The following PDE1C variants were observed in gnomAD, a reference collection of about 807,000 sequenced individuals.
The protein encoded by PDE1C is phosphodiesterase 1C, also known as dual specificity calcium/calmodulin-dependent 3',5'-cyclic nucleotide phosphodiesterase 1C.
In PDE1C, 62 loss-of-function variants were observed where a neutral mutation model predicts 93.1. The observed-to-expected ratio is 0.67, with a 90% CI of 0.54 to 0.82. The LOEUF is 0.82. PDE1C is among the 40% of genes least tolerant of loss of function. The pLI is 0.00. For missense variants in PDE1C, 742 were observed against 884.6 expected (o/e 0.84, Z 2.04); for synonymous variants, 325 against 310.1 (o/e 1.05, Z -0.50).
chr7:31,781,417 T>C (rs1265392933), intron 16 of PDE1C, among the ~76,000 whole-genome samples: 5 of 63,896 alleles, frequency 7.8e-5, no homozygotes, highest in Non-Finnish European at 1.5e-4. Context: ...TGTCAACTTA[T>C]TGGCCATTTT....
intron 5 of PDE1C, among the ~76,000 whole-genome samples, chr7:31,873,678 T>C (rs929232592): frequency 6.6e-6 from 1 of 152,244 alleles, no homozygotes; most frequent in African/African-American, 2.4e-5. Context: ...GTGATAAATA[T>C]GTAAATTATC....
At chr7:32,012,374 G>C (rs763359034) in intron 2 of PDE1C, among the ~76,000 whole-genome samples, 3 of 152,106 alleles carry the variant, frequency 2.0e-5, no homozygotes, top group African/African-American at 4.8e-5. Flanking sequence ...CACTGAGTGA[G>C]AACTCACTCA....
intron 2 of PDE1C, among the ~76,000 whole-genome samples, chr7:32,017,235 C>T (rs1584468871): frequency 6.6e-6 from 1 of 152,132 alleles, no homozygotes; most frequent in Non-Finnish European, 1.5e-5. Context: ...CAAGATAATT[C>T]AATGAGAAAA....
At chr7:32,111,111 T>G (rs577336269) in intron 3 of PDE1C, among the ~76,000 whole-genome samples, 108 of 152,274 alleles carry the variant, frequency 7.1e-4, no homozygotes, top group African/African-American at 2.5e-3. Flanking sequence ...CGGGTCTTCC[T>G]GTCTCTTTTC....
chr7:32,065,090 G>T, intron 1 of PDE1C, among the ~76,000 whole-genome samples: 1 of 151,868 alleles, frequency 6.6e-6, no homozygotes, highest in South Asian at 2.1e-4. Context: ...GTGAGGGGGA[G>T]GTGGTGAGAT....
rs549643776 is a variant in PDE1C, at chr7:32,328,646, C to A, written c.310+99176G>T. Among the ~76,000 whole-genome samples, 34 of 152,248 alleles carry A rather than the reference C, an allele frequency of 2.2e-4. No homozygotes were observed. In the South Asian group the frequency reaches 7.1e-3, roughly 32 times the overall value. On this transcript the variant is annotated intron_variant, in intron 1 of 1. Transcript: ENST00000672256. ...ACAACCCCATCCTCCACCCCCCATCCCCACTCCACCCCTTGCTTGCCTAAC... is the reference window on the plus strand; with the variant it reads ...ACAACCCCATCCTCCACCCCCCATCACCACTCCACCCCTTGCTTGCCTAAC...
chr7:31,721,606 T>A, the PDE1C span, among the ~76,000 whole-genome samples: 2 of 152,170 alleles, frequency 1.3e-5, no homozygotes, highest in East Asian at 1.9e-4. Flanking sequence ...AGTTGCAAGA[T>A]ACCTTAGCAT....
At chr7:32,215,277 T>C (rs6462344) in intron 1 of PDE1C, among the ~76,000 whole-genome samples, 133,820 of 152,146 alleles carry the variant, frequency 0.88, 59,034 homozygotes, top group African/African-American at 0.93. Context: ...AGGCTGCATG[T>C]GCCTTATGAT....
intron 2 of PDE1C, among the ~76,000 whole-genome samples, chr7:32,047,588 C>T (rs979728191): frequency 2.0e-5 from 3 of 152,164 alleles, no homozygotes; most frequent in African/African-American, 7.2e-5. Flanking sequence ...TCAGTAAAAT[C>T]ACTATCATCA....
chr7:32,321,265 C>T (rs1210658309), intron 1 of PDE1C, among the ~76,000 whole-genome samples: 4 of 152,166 alleles, frequency 2.6e-5, no homozygotes, highest in Non-Finnish European at 4.4e-5. Context: ...ATTGTTAGCC[C>T]GGCTTTGATT....
chr7:31,999,575 AT>A (rs985712973), intron 2 of PDE1C, among the ~76,000 whole-genome samples: 1 of 152,196 alleles, frequency 6.6e-6, no homozygotes, highest in African/African-American at 2.4e-5. Context: ...CTCATATGAC[AT>A]TGATAAATTA....
At position 31,851,718 on chromosome 7, in the gene PDE1C, T is replaced by C. The variant is rs200692361; in HGVS notation, c.751-977A>G. Reference sequence around the variant, plus strand: ...TGTATTTGTTATTATAATTATGTAATTAAATATGACACAAACCAATAAAAT... The same window carrying C: ...TGTATTTGTTATTATAATTATGTAACTAAATATGACACAAACCAATAAAAT... On this transcript the variant is annotated intron_variant, in intron 7 of 17. Coordinates refer to ENST00000396191, the MANE Select transcript of PDE1C (RefSeq NM_001191057.4). 2.1e-4 allele frequency among the ~76,000 whole-genome samples: 32 copies of C among 152,352 alleles called. No homozygotes were observed. In the East Asian group the frequency reaches 5.8e-3, roughly 28 times the overall value.
chr7:31,966,102 G>C (rs552218792), intron 2 of PDE1C, among the ~76,000 whole-genome samples: 3 of 152,050 alleles, frequency 2.0e-5, no homozygotes, highest in Non-Finnish European at 4.4e-5. Flanking sequence ...AAATTCACAC[G>C]TAAGAATACT....
At chr7:31,741,103 T>TTAAAAA in the PDE1C span, among the ~76,000 whole-genome samples, 1 of 152,110 alleles carries the variant, frequency 6.6e-6, no homozygotes, top group African/African-American at 2.4e-5. Flanking sequence ...CATTTTATGT[T>TTAAAAA]TACTAATTTG....
chr7:32,104,853 G>A (rs1459475452), intron 3 of PDE1C, among the ~76,000 whole-genome samples: 1 of 152,202 alleles, frequency 6.6e-6, no homozygotes, highest in African/African-American at 2.4e-5. Context: ...CACGTCCAAA[G>A]TATAAGTGAC....
intron 3 of PDE1C, 99 bp from the exon 4 acceptor site, chr7:31,879,277 G>A (rs1271698419): frequency 8.4e-7 from 1 of 1,188,798 alleles, no homozygotes; most frequent in Admixed American, 2.6e-5. Context: ...TGCATGTTAG[G>A]TGCAAAGAAA....
chr7:32,367,929 C>T (rs533293262), intron 1 of PDE1C, among the ~76,000 whole-genome samples: 26 of 151,690 alleles, frequency 1.7e-4, no homozygotes, highest in Middle Eastern at 3.4e-3. Context: ...GATGACAGAA[C>T]AAGACCCTAT....
chr7:32,415,097 G>A (rs901121830), intron 1 of PDE1C, among the ~76,000 whole-genome samples: 1 of 152,104 alleles, frequency 6.6e-6, no homozygotes, highest in East Asian at 1.9e-4. Flanking sequence ...TGGGAGGATC[G>A]CTTGAGGCCA....
At chr7:31,641,371 C>G in the PDE1C span, among the ~76,000 whole-genome samples, 1 of 152,190 alleles carries the variant, frequency 6.6e-6, no homozygotes, top group African/African-American at 2.4e-5. Flanking sequence ...CCTCCCTCTG[C>G]TCCTTGTATT....
Sources: gnomAD v4.1 joint callset for allele counts (sites outside exome capture counted in the v4.1 genomes callset) on GRCh38, gnomAD v4.1.1 for gene constraint, MANE v1.5 for transcripts, NCBI Gene and HGNC (gene_info 2026-07-23, HGNC 2026-07-21) for gene names.